The following ARHGEF17 variants were observed in gnomAD, a reference collection of about 807,000 sequenced individuals.
ARHGEF17 encodes the protein 164 kDa Rho-specific guanine-nucleotide exchange factor.
ARHGEF17 carries 80 observed loss-of-function variants against 174.0 expected under a neutral mutation model. The observed-to-expected ratio is 0.46, with a 90% CI of 0.38 to 0.55. The LOEUF (loss-of-function observed/expected upper bound fraction) is 0.55. ARHGEF17 is among the 20% of genes least tolerant of loss of function. The pLI, the probability that ARHGEF17 is intolerant of heterozygous loss-of-function variation, is 0.00. For synonymous variants in ARHGEF17, 1,311 were observed against 1,189.1 expected (o/e 1.10, Z -2.11); for missense variants, 2,886 against 2,839.7 (o/e 1.02, Z -0.37).
chr11:73,349,738 C>T (rs1396061253), intron 2 of ARHGEF17, among the ~76,000 whole-genome samples: 1 of 152,232 alleles, frequency 6.6e-6, no homozygotes, highest in African/African-American at 2.4e-5. Context: ...TTTCTACCTC[C>T]GCCAAATCTC....
At chr11:73,331,589 C>T (rs1305250791) in intron 1 of ARHGEF17, among the ~76,000 whole-genome samples, 1 of 152,096 alleles carries the variant, frequency 6.6e-6, no homozygotes, top group Non-Finnish European at 1.5e-5. Flanking sequence ...GCCTCCCACC[C>T]CTGGGGGCCT....
In ARHGEF17 at chr11:73,367,697, C is replaced by G. The variant is rs910213732; in HGVS notation, c.6109C>G (p.Arg2037Gly). The part of the protein sequence containing the change: ...ISGGDGYEDF[R>G]LSSGGGSSSE... Reference sequence around the variant, plus strand: ...TGGAGGTGATGGCTATGAGGACTTCCGACTCAGCAGTGGGGGCGGCAGCAG... The same window carrying G: ...TGGAGGTGATGGCTATGAGGACTTCGGACTCAGCAGTGGGGGCGGCAGCAG... Residue 2037 changes from arginine (R) to glycine (G), a missense_variant, in exon 21 of 21, where the codon CGA (arginine) becomes GGA (glycine). Physicochemically the swap from Arg to Gly is moderately radical, Grantham distance 125. This residue lies in a region of ARHGEF17 where 329 missense variants were observed against 435.2 expected (regional missense o/e 0.76). Transcript: ENST00000263674. 5.0e-6 allele frequency: 8 copies of G among 1,613,978 alleles called. No homozygotes were observed. The African/African-American group carries it at 1.1e-4, about 22-fold the overall frequency.
chr11:73,327,948 C>T (rs989405864), intron 1 of ARHGEF17, among the ~76,000 whole-genome samples: 2 of 152,166 alleles, frequency 1.3e-5, no homozygotes, highest in Non-Finnish European at 2.9e-5. Context: ...CTTAGTCCCT[C>T]TGTGGCTCAG....
At chr11:73,327,227 C>T (rs536081047) in intron 1 of ARHGEF17, among the ~76,000 whole-genome samples, 174 of 152,100 alleles carry the variant, frequency 1.1e-3, no homozygotes, top group African/African-American at 3.9e-3. Flanking sequence ...AGGACACAGG[C>T]CCTTTGAGGG....
chr11:73,352,919 C>T lies in ARHGEF17; in HGVS notation c.3360C>T (p.Leu1120=), dbSNP rs775163119. 2.5e-6 allele frequency: 4 copies of T among 1,614,176 alleles called. No homozygotes were observed. The highest frequency in any genetic ancestry group is 2.2e-5 in the South Asian group (2 of 91,084). The part of the protein sequence containing the change: ...VDEIFDQIPE[L]LEHHEQFLEQ... ...AGATCTTCGACCAGATCCCCGAGCTCCTGGAGCACCACGAGCAATTCCTGG... is the reference window on the plus strand; with the variant it reads ...AGATCTTCGACCAGATCCCCGAGCTTCTGGAGCACCACGAGCAATTCCTGG... The change falls in exon 3 of 21, where the codon CTC becomes CTT. Residue 1120 remains leucine (L), a synonymous_variant. Transcript: ENST00000263674.
chr11:73,311,001 T>G lies in ARHGEF17; in HGVS notation c.2363T>G (p.Val788Gly), dbSNP rs532043328. 1.9e-6 allele frequency: 3 copies of G among 1,614,108 alleles called. No individual in the cohort carries two copies. Among genetic ancestry groups the G allele is most frequent in the African/African-American group, 2.7e-5 (2 of 75,024 alleles). ...GLTSGHSDWSVGSEESKGYQE... is the reference protein window; with the variant it reads ...GLTSGHSDWSGGSEESKGYQE... ...ACCAGTGGTCACAGTGACTGGTCTG[T>G]GGGCAGTGAAGAGAGCAAGGGATAT... is the stretch of plus-strand genomic sequence containing the variant. Residue 788 changes from valine to glycine, a missense_variant, in exon 1 of 21, where the codon GTG (valine) becomes GGG (glycine). Around this residue, in one of 4 missense-constraint regions of ARHGEF17, gnomAD observed 1,728 missense variants for 1,461.2 expected, o/e 1.18. Coordinates refer to ENST00000263674, the MANE Select transcript of ARHGEF17 (RefSeq NM_014786.4).
intron 1 of ARHGEF17, among the ~76,000 whole-genome samples, chr11:73,341,872 G>A (rs1565198983): frequency 1.3e-5 from 2 of 152,136 alleles, no homozygotes; most frequent in African/African-American, 4.8e-5. Flanking sequence ...GCGTGGCAGC[G>A]TGCAGCACAC....
chr11:73,348,464 A>G (rs767239409), intron 2 of ARHGEF17, among the ~76,000 whole-genome samples: 5 of 152,230 alleles, frequency 3.3e-5, no homozygotes, highest in African/African-American at 4.8e-5. Flanking sequence ...CTGACATCCT[A>G]CAACATGGAT....
chr11:73,320,472 TAA>T (rs562549045), intron 1 of ARHGEF17, among the ~76,000 whole-genome samples: 66 of 136,216 alleles, frequency 4.8e-4, no homozygotes, highest in African/African-American at 5.1e-4. Context: ...CTGTCTCCAC[TAA>T]AAAAAAAAAA....
chr11:73,346,021 G>C (rs1449718329), intron 1 of ARHGEF17, among the ~76,000 whole-genome samples: 1 of 152,028 alleles, frequency 6.6e-6, no homozygotes, highest in African/African-American at 2.4e-5. Context: ...TTCAGTCCCA[G>C]GGGCTGAACA....
chr11:73,346,673 C>T (rs906100341), intron 1 of ARHGEF17, among the ~76,000 whole-genome samples: 15 of 152,006 alleles, frequency 9.9e-5, no homozygotes, highest in Admixed American at 7.2e-4. Flanking sequence ...AGGTGTAAGT[C>T]GGGGGCAGGG....
At chr11:73,323,837 G>C (rs1865058174) in intron 1 of ARHGEF17, among the ~76,000 whole-genome samples, 1 of 152,266 alleles carries the variant, frequency 6.6e-6, no homozygotes. Flanking sequence ...CCTGGACGTG[G>C]TGCCTGGGCA....
At position 73,362,533 on chromosome 11, in the gene ARHGEF17, C is replaced by G; in HGVS notation, c.4795C>G (p.Leu1599Val). 6.2e-7 allele frequency: 1 copy of G among 1,606,754 alleles called. No homozygotes were observed. Among genetic ancestry groups the G allele is most frequent in the Non-Finnish European group, 8.5e-7 (1 of 1,178,756 alleles). The change falls in exon 14 of 21, where the codon CTC (leucine) becomes GTC (valine). Residue 1599 changes from leucine to valine, a missense_variant. Transcript: ENST00000263674. ...CGCTGCAGACGAGGAAGCCGCGACGCTCGCGGAGCCGGGGCCGCAGCCCTG... is the reference window on the plus strand; with the variant it reads ...CGCTGCAGACGAGGAAGCCGCGACGGTCGCGGAGCCGGGGCCGCAGCCCTG... ...EAAADEEAAT[L>V]AEPGPQPCLH... is the part of the protein sequence containing the mutation.
At chr11:73,314,692 G>A (rs1864900007) in intron 1 of ARHGEF17, among the ~76,000 whole-genome samples, 1 of 152,148 alleles carries the variant, frequency 6.6e-6, no homozygotes, top group South Asian at 2.1e-4. Flanking sequence ...AGGAATGCCT[G>A]TCTGTGTGCC....
At chr11:73,342,086 GCA>G in intron 1 of ARHGEF17, among the ~76,000 whole-genome samples, 1 of 152,058 alleles carries the variant, frequency 6.6e-6, no homozygotes, top group Middle Eastern at 3.4e-3. Context: ...GTCTAGGGGT[GCA>G]CAGTCTAGGT....
intron 2 of ARHGEF17, chr11:73,347,201 G>A (rs1188225960): frequency 1.7e-6 from 1 of 598,540 alleles, no homozygotes; most frequent in Admixed American, 2.7e-5. Flanking sequence ...TCCCTACCCT[G>A]CTGTTCTTCC....
chr11:73,356,426 T>C, intron 6 of ARHGEF17, 75 bp downstream of exon 6: 1 of 1,347,232 alleles, frequency 7.4e-7, no homozygotes, highest in Non-Finnish European at 9.8e-7. Flanking sequence ...TGTGTGCATC[T>C]GTGGCCACCT....
intron 9 of ARHGEF17, among the ~76,000 whole-genome samples, chr11:73,358,188 C>T (rs745968756): frequency 2.8e-4 from 43 of 152,162 alleles, no homozygotes; most frequent in Admixed American, 6.5e-4. Context: ...AGGAGTAGAT[C>T]GGCTTCATCT....
At chr11:73,312,285 G>A (rs956089651) in intron 1 of ARHGEF17, among the ~76,000 whole-genome samples, 15 of 152,166 alleles carry the variant, frequency 9.9e-5, no homozygotes, top group African/African-American at 3.4e-4. Context: ...ACATGGGTTT[G>A]CCCTTCTTCG....
Sources: allele counts gnomAD v4.1 joint callset (sites outside exome capture counted in the v4.1 genomes callset), GRCh38; gene constraint gnomAD v4.1.1; regional missense constraint gnomAD v4.1.1; transcripts MANE v1.5; gene names NCBI Gene and HGNC (gene_info 2026-07-23, HGNC 2026-07-21).